FSTL5: variants seen among roughly 807,000 people sequenced by gnomAD.
FSTL5 encodes follistatin-related protein 5.
In FSTL5, 62 loss-of-function variants were observed where a neutral mutation model predicts 89.1. That is an observed-to-expected ratio of 0.70 (90% CI 0.57 to 0.86). The LOEUF is 0.86. Ranked by LOEUF, FSTL5 falls within the 40% of genes least tolerant of loss-of-function variation. The pLI is 0.00. For missense variants in FSTL5, 1,057 were observed against 1,001.6 expected (o/e 1.06, Z -0.75); for synonymous variants, 383 against 346.2 (o/e 1.11, Z -1.18).
At chr4:161,791,817 A>G (rs1729485653) in intron 4 of FSTL5, among the ~76,000 whole-genome samples, 1 of 152,200 alleles carries the variant, frequency 6.6e-6, no homozygotes. Context: ...TGCTTTCATT[A>G]TTATCTTGAT....
intron 3 of FSTL5, among the ~76,000 whole-genome samples, chr4:162,006,250 C>T (rs1385822988): frequency 1.3e-5 from 2 of 151,888 alleles, no homozygotes; most frequent in Non-Finnish European, 2.9e-5. Context: ...TTGTTAATAA[C>T]ATTTATATCT....
At chr4:161,591,095 T>C (rs953436705) in intron 7 of FSTL5, among the ~76,000 whole-genome samples, 1 of 152,156 alleles carries the variant, frequency 6.6e-6, no homozygotes, top group African/African-American at 2.4e-5. Context: ...TATTTGACAA[T>C]AAAAAGGAAT....
chr4:161,812,891 A>C (rs1263158904), intron 4 of FSTL5, among the ~76,000 whole-genome samples: 1 of 149,240 alleles, frequency 6.7e-6, no homozygotes, highest in Non-Finnish European at 1.5e-5. Context: ...AAAAAAAAAA[A>C]AAAAAAAAAA....
chr4:161,624,679 A>T (rs1313609135), intron 7 of FSTL5, among the ~76,000 whole-genome samples: 2 of 151,850 alleles, frequency 1.3e-5, no homozygotes, highest in Admixed American at 6.6e-5. Context: ...CTGTTTGAGA[A>T]AAAAAAATAT....
chr4:162,091,091 C>A (rs1182437113), intron 2 of FSTL5, among the ~76,000 whole-genome samples: 1 of 152,126 alleles, frequency 6.6e-6, no homozygotes, highest in Non-Finnish European at 1.5e-5. Context: ...GTTTTGCCTT[C>A]CACTTAGAAT....
intron 12 of FSTL5, among the ~76,000 whole-genome samples, chr4:161,488,730 G>A (rs1412740346): frequency 6.6e-6 from 1 of 152,038 alleles, no homozygotes; most frequent in Non-Finnish European, 1.5e-5. Flanking sequence ...TTTTCATCTA[G>A]GAAATTATCG....
intron 13 of FSTL5, among the ~76,000 whole-genome samples, chr4:161,462,205 T>C (rs1733606676): frequency 6.6e-6 from 1 of 152,216 alleles, no homozygotes; most frequent in East Asian, 1.9e-4. Context: ...ATCTGGGATC[T>C]GATAGTCTGT....
intron 4 of FSTL5, among the ~76,000 whole-genome samples, chr4:161,784,013 G>A (rs1472859039): frequency 6.6e-6 from 1 of 151,472 alleles, no homozygotes; most frequent in Non-Finnish European, 1.5e-5. Flanking sequence ...TCGGCTCACT[G>A]CAGCCTCCAT....
intron 13 of FSTL5, among the ~76,000 whole-genome samples, chr4:161,471,199 A>G (rs191548337): frequency 6.6e-6 from 1 of 152,354 alleles, no homozygotes; most frequent in African/African-American, 2.4e-5. Flanking sequence ...ATTTTTTCCC[A>G]CATGGGTTTT....
chr4:161,410,995 G>A (rs1731569135), intron 15 of FSTL5, among the ~76,000 whole-genome samples: 2 of 109,428 alleles, frequency 1.8e-5, no homozygotes, highest in Non-Finnish European at 2.0e-5. Flanking sequence ...CTATCAATCA[G>A]AAATGACAAA....
chr4:161,765,605 A>C (rs1447523674), intron 5 of FSTL5, among the ~76,000 whole-genome samples: 4 of 152,216 alleles, frequency 2.6e-5, no homozygotes, highest in Non-Finnish European at 5.9e-5. Flanking sequence ...TTGAAAATAT[A>C]CACTCTTATT....
chr4:161,898,619 T>G (rs897359997), intron 4 of FSTL5, among the ~76,000 whole-genome samples: 1 of 150,228 alleles, frequency 6.7e-6, no homozygotes, highest in South Asian at 2.1e-4. Flanking sequence ...ATTTGGCATC[T>G]GTATTATATT....
chr4:161,404,443 G>C (rs1203440771), intron 15 of FSTL5, among the ~76,000 whole-genome samples: 1 of 152,144 alleles, frequency 6.6e-6, no homozygotes, highest in Non-Finnish European at 1.5e-5. Flanking sequence ...CCAATATCCT[G>C]TAGACTCATG....
At chr4:161,736,654 G>A (rs1739826900) in intron 6 of FSTL5, among the ~76,000 whole-genome samples, 1 of 152,092 alleles carries the variant, frequency 6.6e-6, no homozygotes, top group Admixed American at 6.6e-5. Flanking sequence ...CTGTCATTAT[G>A]AGAGCTCCTT....
At position 162,012,767 on chromosome 4, in the gene FSTL5, T is replaced by C. The variant is rs1272466012; in HGVS notation, c.160+20858A>G. On this transcript the variant is annotated intron_variant, in intron 3 of 15. Coordinates refer to ENST00000306100, the MANE Select transcript of FSTL5 (RefSeq NM_020116.5). ...AATCAAATATCTGAGTGCTTAATAA[T>C]ATAATATTGAAGGAGTATTAGAAAT... Among the ~76,000 whole-genome samples the C allele has an allele frequency of 3.3e-5, 5 of 152,292 alleles. No homozygotes were observed. In the East Asian group the frequency reaches 9.6e-4, roughly 29 times the overall value.
At chr4:161,623,472 ATTG>A (rs1382822872) in intron 7 of FSTL5, among the ~76,000 whole-genome samples, 7 of 151,856 alleles carry the variant, frequency 4.6e-5, no homozygotes, top group African/African-American at 1.7e-4. Flanking sequence ...TTTTATGATT[ATTG>A]TTAATATTAT....
chr4:161,421,661 C>T (rs1416615524), intron 15 of FSTL5, among the ~76,000 whole-genome samples: 3 of 152,228 alleles, frequency 2.0e-5, no homozygotes, highest in South Asian at 4.1e-4. Flanking sequence ...GAAAGATTCA[C>T]ATTTGAATTG....
chr4:161,661,067 A>G (rs1736690515), intron 6 of FSTL5, among the ~76,000 whole-genome samples: 1 of 152,174 alleles, frequency 6.6e-6, no homozygotes, highest in Non-Finnish European at 1.5e-5. Context: ...CGGTATGGCA[A>G]TTCCTCAATG....
At chr4:162,121,505 T>C (rs1174055343) in intron 1 of FSTL5, among the ~76,000 whole-genome samples, 1 of 152,050 alleles carries the variant, frequency 6.6e-6, no homozygotes, top group East Asian at 1.9e-4. Context: ...ATTGTCTGCC[T>C]TCAGAACTGG....
Sources: gnomAD v4.1 joint callset for allele counts (sites outside exome capture counted in the v4.1 genomes callset) on GRCh38, gnomAD v4.1.1 for gene constraint, MANE v1.5 for transcripts, NCBI Gene and HGNC (gene_info 2026-07-23, HGNC 2026-07-21) for gene names.